The following SCN10A variants were observed in gnomAD, a reference collection of about 807,000 sequenced individuals.
SCN10A encodes the protein sodium voltage-gated channel alpha subunit 10, also known as sodium channel protein type 10 subunit alpha.
A neutral mutation model predicts 170.7 loss-of-function variants in SCN10A; 162 were observed. The ratio of observed to expected loss-of-function variants is 0.95; its 90% CI spans 0.84 to 1.08. The LOEUF (loss-of-function observed/expected upper bound fraction) is 1.08, where lower values mean the gene tolerates loss of function less well. SCN10A is among the 50% of genes least tolerant of loss of function. The pLI is 0.00. For synonymous variants in SCN10A, 985 were observed against 904.6 expected (o/e 1.09, Z -1.59); for missense variants, 2,527 against 2,436.9 (o/e 1.04, Z -0.78).
intron 15 of SCN10A, among the ~76,000 whole-genome samples, chr3:38,739,019 A>T (rs1019714554): frequency 3.3e-5 from 5 of 152,068 alleles, no homozygotes; most frequent in Non-Finnish European, 1.5e-5. Context: ...TGGATTTGAG[A>T]TCCAGGTCTG....
At chr3:38,764,197 G>T (rs13095477) in intron 5 of SCN10A, among the ~76,000 whole-genome samples, 30,878 of 152,086 alleles carry the variant, frequency 0.2, 4,223 homozygotes, top group African/African-American at 0.39. Context: ...GGGAACAGGT[G>T]GTTTTTGGTT....
intron 4 of SCN10A, among the ~76,000 whole-genome samples, chr3:38,773,877 T>C (rs2064039237): frequency 6.6e-6 from 1 of 151,972 alleles, no homozygotes; most frequent in Non-Finnish European, 1.5e-5. Context: ...ATAAATAACA[T>C]CAGAAATTGA....
intron 11 of SCN10A, among the ~76,000 whole-genome samples, chr3:38,754,539 T>TG (rs1000761731): frequency 6.6e-6 from 1 of 152,152 alleles, no homozygotes; most frequent in Non-Finnish European, 1.5e-5. Flanking sequence ...GCTGACAGAA[T>TG]GGGGGAAATT....
chr3:38,708,481 C>T (rs2063234907), intron 25 of SCN10A, among the ~76,000 whole-genome samples: 1 of 152,212 alleles, frequency 6.6e-6, no homozygotes, highest in African/African-American at 2.4e-5. Flanking sequence ...ATCCTGTCCT[C>T]TTCTTATGCT....
chr3:38,711,196 G>A lies in SCN10A; in HGVS notation c.4090-299C>T, dbSNP rs563165056. Reference sequence around the variant, plus strand: ...CTGGTTCTAGTGCCAATTGCTACAAGTCTGCTCTGTGCACTTGCCTAAGGT... The same window carrying A: ...CTGGTTCTAGTGCCAATTGCTACAAATCTGCTCTGTGCACTTGCCTAAGGT... On this transcript the variant is annotated intron_variant, in intron 23 of 27. Transcript: ENST00000449082. 3.9e-5 allele frequency among the ~76,000 whole-genome samples: 6 copies of A among 152,334 alleles called. No homozygotes were observed. In the South Asian group the frequency reaches 1.2e-3, roughly 32 times the overall value.
Position 38,712,235 on chromosome 3 carries a change from C to A in SCN10A, c.4015G>T (p.Gly1339Cys). ...KSDCKIQNSTGSFFWVNVKVN... is the reference protein window; with the variant it reads ...KSDCKIQNSTCSFFWVNVKVN... ...TTCACATTGACCCAGAAGAAGCTGC[C>A]AGTGGAGTTTTGAATCTTGCAGTCA... Residue 1339 changes from glycine (G) to cysteine (C), a missense_variant, in exon 23 of 28, where the codon GGC (glycine) becomes TGC (cysteine). Gly to Cys is a radical substitution (Grantham distance 159). Transcript: ENST00000449082. 1 of 1,614,176 alleles carries A rather than the reference C, an allele frequency of 6.2e-7. No homozygotes were observed. The highest frequency in any genetic ancestry group is 1.1e-5 in the South Asian group (1 of 91,078).
chr3:38,781,167 G>A (rs956080519), intron 4 of SCN10A, among the ~76,000 whole-genome samples: 7 of 152,040 alleles, frequency 4.6e-5, no homozygotes, highest in African/African-American at 1.7e-4. Context: ...TGTGATGTGC[G>A]ATAAAAAGTG....
chr3:38,756,008 G>A lies in SCN10A; in HGVS notation c.1291-50C>T, dbSNP rs200539683. Reference sequence around the variant, plus strand: ...AGCCAATAGTATTTGCTTGGACTTAGCATGAATGTGTCCCCCAGACATGGG... The same window carrying A: ...AGCCAATAGTATTTGCTTGGACTTAACATGAATGTGTCCCCCAGACATGGG... On this transcript the variant is annotated intron_variant, in intron 10 of 27. Coordinates refer to ENST00000449082, the MANE Select transcript of SCN10A (RefSeq NM_006514.4). 2,352 of 1,596,454 alleles carry A rather than the reference G, an allele frequency of 1.5e-3. 2 individuals are homozygous for A. The highest frequency in any genetic ancestry group is 1.8e-3 in the Non-Finnish European group (2,148 of 1,164,592).
intron 15 of SCN10A, among the ~76,000 whole-genome samples, chr3:38,736,988 TG>T (rs1317963088): frequency 8.6e-5 from 11 of 127,384 alleles, no homozygotes; most frequent in African/African-American, 1.9e-4. Context: ...TTTTTTTTTT[TG>T]AGACGGAGTC....
In SCN10A at chr3:38,753,224, A is replaced by G. The variant is rs552625227; in HGVS notation, c.1462-712T>C. 2.6e-5 allele frequency among the ~76,000 whole-genome samples: 4 copies of G among 152,348 alleles called. No individual in the cohort carries two copies. The South Asian group carries it at 8.3e-4, about 32-fold the overall frequency. On this transcript the variant is annotated intron_variant, in intron 11 of 27. Coordinates refer to ENST00000449082, the MANE Select transcript of SCN10A (RefSeq NM_006514.4). ...GGGAACTGTGTGGCTTAAAGTTGCC[A>G]GAGAAAAGAGCTAATTCATAAACCC...
chr3:38,803,042 T>A (rs1354433149), intron 1 of SCN10A, among the ~76,000 whole-genome samples: 2 of 152,094 alleles, frequency 1.3e-5, no homozygotes, highest in Non-Finnish European at 2.9e-5. Context: ...AACAGGCACA[T>A]GAAAAAATGC....
In SCN10A at chr3:38,736,962, CGTTTTT is replaced by C. The variant is rs1374486916; in HGVS notation, c.2280+2547_2280+2552del. The stretch of plus-strand genomic sequence containing the variant: ...CTTCCCCAAGTGTAGCAGAAATGTT[CGTTTTT>C]TTTTTTTTTTTTTTTTTTTTGAGAC... On this transcript the variant is annotated intron_variant, in intron 15 of 27. Coordinates refer to ENST00000449082, the MANE Select transcript of SCN10A (RefSeq NM_006514.4). Among the ~76,000 whole-genome samples the C allele has an allele frequency of 1.4e-3, 98 of 69,244 alleles. 3 individuals are homozygous for C. Among genetic ancestry groups the C allele is most frequent in the African/African-American group, 4.6e-3 (88 of 19,132 alleles). 45.4% of individuals were successfully genotyped at this position (69,244 alleles called of 152,430 possible).
chr3:38,756,066 CT>C (rs2063801200), intron 10 of SCN10A, 108 bp from the exon 11 acceptor site: 1 of 1,237,362 alleles, frequency 8.1e-7, no homozygotes, highest in African/African-American at 1.5e-5. Context: ...AACAGAGAAG[CT>C]GAAGGGTTAG....
At chr3:38,713,422 G>T (rs2063297197) in intron 22 of SCN10A, among the ~76,000 whole-genome samples, 1 of 152,204 alleles carries the variant, frequency 6.6e-6, no homozygotes, top group Non-Finnish European at 1.5e-5. Flanking sequence ...ATAGATGCTT[G>T]TGGAGCGATG....
chr3:38,773,290 A>G (rs1201953118), intron 4 of SCN10A, among the ~76,000 whole-genome samples: 1 of 152,170 alleles, frequency 6.6e-6, no homozygotes, highest in Non-Finnish European at 1.5e-5. Flanking sequence ...GGCAGCATAG[A>G]GAGACTTTGT....
chr3:38,760,560 A>C, intron 8 of SCN10A, 121 bp downstream of exon 8: 1 of 800,226 alleles, frequency 1.2e-6, no homozygotes, highest in Non-Finnish European at 2.1e-6. Context: ...AAAGGCCATG[A>C]TTTATTTATT....
At chr3:38,731,646 A>C (rs2063514037) in intron 15 of SCN10A, among the ~76,000 whole-genome samples, 1 of 152,206 alleles carries the variant, frequency 6.6e-6, no homozygotes, top group African/African-American at 2.4e-5. Flanking sequence ...ATCAATTGGA[A>C]CCAGGATGGC....
chr3:38,712,563 A>G (rs1352055492), intron 22 of SCN10A, 118 bp from the exon 23 acceptor site: 1 of 991,468 alleles, frequency 1.0e-6, no homozygotes, highest in Non-Finnish European at 1.5e-6. Flanking sequence ...TGGAAGAAGC[A>G]AGAGAAGTGG....
chr3:38,704,294 G>A (rs2125984383), intron 26 of SCN10A, among the ~76,000 whole-genome samples: 1 of 152,304 alleles, frequency 6.6e-6, no homozygotes, highest in Non-Finnish European at 1.5e-5. Flanking sequence ...ATCTTTCCTG[G>A]GGCAGGAGGG....
Sources: allele counts gnomAD v4.1 joint callset (sites outside exome capture counted in the v4.1 genomes callset), GRCh38; gene constraint gnomAD v4.1.1; transcripts MANE v1.5; gene names NCBI Gene and HGNC (gene_info 2026-07-23, HGNC 2026-07-21).